C8orf89: variants seen among roughly 807,000 people sequenced by gnomAD.
C8orf89 encodes the protein chromosome 8 open reading frame 89, also known as putative uncharacterized protein C8orf89.
A neutral mutation model predicts 15.8 loss-of-function variants in C8orf89; 14 were observed. The ratio of observed to expected loss-of-function variants is 0.89; its 90% confidence interval spans 0.59 to 1.39. The LOEUF (loss-of-function observed/expected upper bound fraction) is 1.39. Ranked by LOEUF, C8orf89 falls within the 40% of genes most tolerant of loss-of-function variation. C8orf89 has a pLI of 0.00. For missense variants in C8orf89, 181 were observed against 184.5 expected, an observed-to-expected ratio of 0.98 and a Z score of 0.11; for synonymous variants, 55 against 62.2, an observed-to-expected ratio of 0.88 and a Z score of 0.54.
chr8:73,252,986 A>G (rs1448578904), intron 2 of C8orf89, among the ~76,000 whole-genome samples: 1 of 152,176 alleles, frequency 6.6e-6, no homozygotes, highest in Non-Finnish European at 1.5e-5. Context: ...CTAAAAAAAT[A>G]CAAAAAGTTA....
At chr8:73,256,900 A>G (rs370221409) in intron 2 of C8orf89, 73 bp downstream of exon 2, 1 of 1,112,712 alleles carries the variant, frequency 9.0e-7, no homozygotes. Flanking sequence ...CACTGACCAG[A>G]AAAACCTCTA....
the C8orf89 span, among the ~76,000 whole-genome samples, chr8:73,280,938 C>T: frequency 5.9e-5 from 9 of 151,938 alleles, no homozygotes; most frequent in African/African-American, 1.9e-4. Flanking sequence ...GAGCTACTTT[C>T]GCCAATCAAA....
chr8:73,277,312 G>A, the C8orf89 span: 15 of 635,198 alleles, frequency 2.4e-5, no homozygotes, highest in African/African-American at 5.5e-5. Context: ...TCCAATGAAC[G>A]CAGATGAATG....
chr8:73,260,638 T>C (rs11995843), upstream of C8orf89, among the ~76,000 whole-genome samples: 6,143 of 152,264 alleles, frequency 0.04, 342 homozygotes, highest in African/African-American at 0.12. Context: ...GGATTCCCAC[T>C]GCAGCCTTGG....
At chr8:73,245,555 G>T (rs1224692554) in intron 3 of C8orf89, among the ~76,000 whole-genome samples, 1 of 151,880 alleles carries the variant, frequency 6.6e-6, no homozygotes, top group Non-Finnish European at 1.5e-5. Context: ...CAATAAAAGG[G>T]ATTTTTTAAA....
At chr8:73,253,960 C>T (rs924821684) in intron 2 of C8orf89, among the ~76,000 whole-genome samples, 8 of 151,732 alleles carry the variant, frequency 5.3e-5, no homozygotes, top group Non-Finnish European at 1.0e-4. Flanking sequence ...CCAGAACTTC[C>T]AACACTATGT....
Position 73,250,256 on chromosome 8 carries a change from G to A in C8orf89, c.337+12C>T, listed in dbSNP as rs560776728. On this transcript the variant is annotated intron_variant, in intron 3 of 3. Transcript: ENST00000624510. ...CAAGAGAGGTAGTAGAAAAAAGGAC[G>A]AGTCAGCTTACCTTTTGATTTCTCC... 6.9e-5 allele frequency: 105 copies of A among 1,525,844 alleles called. No individual in the cohort carries two copies. The South Asian group carries it at 7.3e-4, about 11-fold the overall frequency. The allele number at this position is 1,525,844 out of a possible 1,614,324, so 94.5% of individuals were successfully genotyped here. A position where few individuals can be genotyped will look rare whatever the true frequency, so the allele number is the denominator to read the frequency against.
upstream of C8orf89, among the ~76,000 whole-genome samples, chr8:73,262,375 G>A (rs1295942509): frequency 2.0e-5 from 3 of 152,050 alleles, no homozygotes; most frequent in African/African-American, 7.3e-5. Context: ...CCTCTTAGTG[G>A]CATTTTATTC....
upstream of C8orf89, among the ~76,000 whole-genome samples, chr8:73,264,239 C>T (rs764373837): frequency 2.6e-5 from 4 of 152,120 alleles, no homozygotes; most frequent in African/African-American, 2.4e-5. Context: ...GAAGCTAAAA[C>T]GAGAAGGCAG....
intron 3 of C8orf89, among the ~76,000 whole-genome samples, chr8:73,244,649 T>C (rs1586160450): frequency 6.6e-6 from 1 of 152,200 alleles, no homozygotes; most frequent in East Asian, 1.9e-4. Context: ...GTTTGTTTTG[T>C]TTTGTTTGCA....
chr8:73,246,980 A>G (rs1316135831), intron 3 of C8orf89, among the ~76,000 whole-genome samples: 1 of 152,222 alleles, frequency 6.6e-6, no homozygotes, highest in Non-Finnish European at 1.5e-5. Flanking sequence ...AGTGTATTAG[A>G]GGAAGACAAG....
At chr8:73,276,305 T>A in the C8orf89 span, among the ~76,000 whole-genome samples, 1 of 151,740 alleles carries the variant, frequency 6.6e-6, no homozygotes, top group Non-Finnish European at 1.5e-5. Flanking sequence ...GCCTCCCAAG[T>A]AGCTGGGATC....
upstream of C8orf89, among the ~76,000 whole-genome samples, chr8:73,263,832 G>A (rs1813572612): frequency 1.3e-5 from 2 of 152,180 alleles, no homozygotes; most frequent in Non-Finnish European, 2.9e-5. Flanking sequence ...TGATGGTTAA[G>A]TTCTATAAAG....
chr8:73,254,709 C>T (rs983652913), intron 2 of C8orf89, among the ~76,000 whole-genome samples: 3 of 152,242 alleles, frequency 2.0e-5, no homozygotes, highest in African/African-American at 4.8e-5. Context: ...TCGCAGCAGA[C>T]ATCTGTGGGT....
intron 3 of C8orf89, among the ~76,000 whole-genome samples, chr8:73,247,522 T>C (rs1813153473): frequency 6.6e-6 from 1 of 152,210 alleles, no homozygotes; most frequent in African/African-American, 2.4e-5. Context: ...CACCACACTG[T>C]TTCCTACAAT....
chr8:73,253,138 G>A (rs577088804), intron 2 of C8orf89, among the ~76,000 whole-genome samples: 31 of 152,094 alleles, frequency 2.0e-4, no homozygotes, highest in African/African-American at 6.5e-4. Flanking sequence ...GCTAGACTCC[G>A]TCTCAAAAAA....
chr8:73,262,997 A>AAAAT (rs1813557560), upstream of C8orf89, among the ~76,000 whole-genome samples: 2 of 152,146 alleles, frequency 1.3e-5, no homozygotes, highest in Non-Finnish European at 2.9e-5. Context: ...CAGAACTAAT[A>AAAAT]AAAAGGCTAT....
chr8:73,251,048 T>G (rs1472650249), intron 2 of C8orf89, among the ~76,000 whole-genome samples: 1 of 152,096 alleles, frequency 6.6e-6, no homozygotes, highest in Non-Finnish European at 1.5e-5. Context: ...GCAATCCTCC[T>G]GCCTCAGCCT....
chr8:73,258,901 A>G (rs1053051943), intron 1 of C8orf89, among the ~76,000 whole-genome samples: 21 of 152,270 alleles, frequency 1.4e-4, no homozygotes, highest in African/African-American at 4.8e-4. Context: ...AAAGTGCTCA[A>G]ATTACAGGCT....
Sources: gnomAD v4.1 joint callset for allele counts (sites outside exome capture counted in the v4.1 genomes callset) on GRCh38, gnomAD v4.1.1 for gene constraint, MANE v1.5 for transcripts, NCBI Gene and HGNC (gene_info 2026-07-23, HGNC 2026-07-21) for gene names.